The following ARIH1 variants were observed in gnomAD, a reference collection of about 807,000 sequenced individuals.
ARIH1 encodes E3 ubiquitin-protein ligase ARIH1.
Under a neutral mutation model 85.0 loss-of-function variants are expected in ARIH1, and 8 were observed. The observed-to-expected ratio is 0.09, with a 90% CI of 0.06 to 0.17. ARIH1 has a LOEUF of 0.17. ARIH1 is among the 10% of genes least tolerant of loss of function. The probability of loss-of-function intolerance (pLI) is 1.00; values close to 1 mark genes in which losing one functional copy is unlikely to be tolerated. For synonymous variants in ARIH1, 238 were observed against 253.6 expected, an observed-to-expected ratio of 0.94 and a Z score of 0.59; for missense variants, 311 against 718.1, an observed-to-expected ratio of 0.43 and a Z score of 6.48.
chr15:72,496,241 G>T (rs1161536607), intron 1 of ARIH1, among the ~76,000 whole-genome samples: 3 of 152,200 alleles, frequency 2.0e-5, no homozygotes, highest in Admixed American at 2.0e-4. Flanking sequence ...TTATAGTTTG[G>T]TAATCGACCT....
In ARIH1 at chr15:72,586,005, T is replaced by A. The variant is rs983337507; in HGVS notation, c.*2713T>A. On this transcript the variant is annotated 3_prime_UTR_variant, in exon 14 of 14. Transcript: ENST00000379887. ...GTGCATGCTTCATTTGAACAATTCATTCAGCAGCAGATGGACTTTCAGTGA... is the reference window on the plus strand; with the variant it reads ...GTGCATGCTTCATTTGAACAATTCAATCAGCAGCAGATGGACTTTCAGTGA... 1.3e-5 allele frequency: 2 copies of A among 152,212 alleles called. No individual in the cohort carries two copies. Among genetic ancestry groups the A allele is most frequent in the Non-Finnish European group, 2.9e-5 (2 of 68,028 alleles). 9.4% of individuals were successfully genotyped at this position (152,212 alleles called of 1,614,324 possible).
Position 72,590,459 on chromosome 15 carries a change from CACATTTGAGAGTCACTCT to C in ARIH1, c.*7169_*7186del. 6.6e-6 allele frequency: 1 copy of C among 152,266 alleles called. No individual in the cohort carries two copies. Among genetic ancestry groups the C allele is most frequent in the South Asian group, 2.1e-4 (1 of 4,826 alleles). 9.4% of individuals were successfully genotyped at this position (152,266 alleles called of 1,614,324 possible). A position where few individuals can be genotyped will look rare whatever the true frequency, so the allele number is the denominator to read the frequency against. Reference sequence around the variant, plus strand: ...AGTACTCAAAGTATTCCTTTTTTCTCACATTTGAGAGTCACTCTAGCATTTTAATGAGTTAAGCAAGCC... The same window carrying C: ...AGTACTCAAAGTATTCCTTTTTTCTCAGCATTTTAATGAGTTAAGCAAGCC... On this transcript the variant is annotated 3_prime_UTR_variant, in exon 14 of 14. Coordinates refer to ENST00000379887, the MANE Select transcript of ARIH1 (RefSeq NM_005744.5).
At chr15:72,578,374 G>T (rs1054457580) in intron 11 of ARIH1, among the ~76,000 whole-genome samples, 1 of 152,074 alleles carries the variant, frequency 6.6e-6, no homozygotes, top group African/African-American at 2.4e-5. Flanking sequence ...GGTTCTCTTC[G>T]ATAGCATTGA....
chr15:72,505,063 CAA>C (rs2063919020), intron 1 of ARIH1, among the ~76,000 whole-genome samples: 1 of 152,176 alleles, frequency 6.6e-6, no homozygotes, highest in African/African-American at 2.4e-5. Context: ...AACCAGCTCT[CAA>C]GAGCATTACT....
chr15:72,474,588 C>T lies in ARIH1; in HGVS notation c.-52C>T. Reference sequence around the variant, plus strand: ...AGCGAGAGCCGGGGCCTCGGCGTCCCCGCCCTCTCCCCGCCTCGGCCAGCG... The same window carrying T: ...AGCGAGAGCCGGGGCCTCGGCGTCCTCGCCCTCTCCCCGCCTCGGCCAGCG... On this transcript the variant is annotated 5_prime_UTR_variant, in exon 1 of 14. Coordinates refer to ENST00000379887, the MANE Select transcript of ARIH1 (RefSeq NM_005744.5). 8.7e-6 allele frequency: 13 copies of T among 1,487,552 alleles called. No individual in the cohort carries two copies. Among genetic ancestry groups the T allele is most frequent in the Non-Finnish European group, 9.8e-6 (11 of 1,122,252 alleles). The allele number at this position is 1,487,552 out of a possible 1,614,324, so 92.1% of individuals were successfully genotyped here. A position where few individuals can be genotyped will look rare whatever the true frequency, so the allele number is the denominator to read the frequency against.
At position 72,535,687 on chromosome 15, in the gene ARIH1, G is replaced by A. The variant is rs1396324017; in HGVS notation, c.444-9133G>A. Among the ~76,000 whole-genome samples the A allele has an allele frequency of 2.6e-5, 4 of 152,112 alleles. No individual in the cohort carries two copies. In the East Asian group the frequency reaches 7.7e-4, roughly 29 times the overall value. ...CTCTTCAGTTGGAATGAGATCCACT[G>A]TTGCATGAATCACAAGTAGTAGTGT... On this transcript the variant is annotated intron_variant, in intron 2 of 13. Coordinates refer to ENST00000379887, the MANE Select transcript of ARIH1 (RefSeq NM_005744.5).
intron 3 of ARIH1, among the ~76,000 whole-genome samples, chr15:72,548,323 A>G (rs1204465725): frequency 6.6e-6 from 1 of 152,198 alleles, no homozygotes; most frequent in Non-Finnish European, 1.5e-5. Flanking sequence ...ATGTACTTTC[A>G]AGAACTGGGG....
At chr15:72,546,943 G>T (rs1373994306) in intron 3 of ARIH1, among the ~76,000 whole-genome samples, 4 of 145,082 alleles carry the variant, frequency 2.8e-5, no homozygotes, top group East Asian at 2.1e-4. Context: ...GAGGGGGGGG[G>T]GTGGGACGGA....
intron 7 of ARIH1, among the ~76,000 whole-genome samples, chr15:72,565,133 C>T (rs908023166): frequency 2.0e-5 from 3 of 152,160 alleles, no homozygotes; most frequent in Non-Finnish European, 4.4e-5. Context: ...GGCACGATCT[C>T]GCACTGTAAC....
chr15:72,482,970 A>G (rs2063822348), intron 1 of ARIH1, among the ~76,000 whole-genome samples: 1 of 151,516 alleles, frequency 6.6e-6, no homozygotes, highest in African/African-American at 2.4e-5. Context: ...CCTCCTGAGT[A>G]GTTGGGACTA....
rs2064386762 is a variant in ARIH1, at chr15:72,602,853, G to A, written c.*19561G>A. ...TCAAGGAGTTTCTCCAACCCAAAAT[G>A]GCACCCTTCCTGAAAAGATTTCTAG... On this transcript the variant is annotated 3_prime_UTR_variant, in exon 14 of 14. Coordinates refer to ENST00000379887, the MANE Select transcript of ARIH1 (RefSeq NM_005744.5). 6.6e-6 allele frequency: 1 copy of A among 152,072 alleles called. No individual in the cohort carries two copies. The highest frequency in any genetic ancestry group is 1.5e-5 in the Non-Finnish European group (1 of 68,032). 9.4% of individuals were successfully genotyped at this position (152,072 alleles called of 1,614,324 possible). A position where few individuals can be genotyped will look rare whatever the true frequency, so the allele number is the denominator to read the frequency against.
intron 1 of ARIH1, among the ~76,000 whole-genome samples, chr15:72,488,860 C>G (rs2063847673): frequency 6.6e-6 from 1 of 152,092 alleles, no homozygotes; most frequent in Non-Finnish European, 1.5e-5. Context: ...TCTTAAGGTC[C>G]CTGAATATTC....
At chr15:72,557,812 T>C (rs2064181392) in intron 5 of ARIH1, among the ~76,000 whole-genome samples, 1 of 152,196 alleles carries the variant, frequency 6.6e-6, no homozygotes. Flanking sequence ...GTGGCTATTA[T>C]CGATAGGATT....
intron 11 of ARIH1, among the ~76,000 whole-genome samples, chr15:72,580,100 C>G (rs906426303): frequency 4.6e-5 from 7 of 152,132 alleles, no homozygotes; most frequent in Non-Finnish European, 1.0e-4. Context: ...CCCCTCTATC[C>G]CCGCAAGCCT....
intron 1 of ARIH1, among the ~76,000 whole-genome samples, chr15:72,517,461 G>T (rs1003914320): frequency 3.3e-5 from 5 of 151,382 alleles, no homozygotes; most frequent in African/African-American, 1.2e-4. Flanking sequence ...GTCTTGCCCT[G>T]TTGCCCAGGC....
chr15:72,559,032 A>C (rs1040233849), intron 5 of ARIH1, among the ~76,000 whole-genome samples: 2 of 152,192 alleles, frequency 1.3e-5, no homozygotes, highest in African/African-American at 4.8e-5. Flanking sequence ...AGTTATCCTT[A>C]GTATACTGGG....
intron 2 of ARIH1, among the ~76,000 whole-genome samples, chr15:72,542,315 G>T (rs1008662115): frequency 6.6e-6 from 1 of 152,098 alleles, no homozygotes; most frequent in African/African-American, 2.4e-5. Context: ...AAAGAAGGTT[G>T]AAAGACAAGA....
At chr15:72,505,460 G>A (rs1466423612) in intron 1 of ARIH1, among the ~76,000 whole-genome samples, 1 of 151,734 alleles carries the variant, frequency 6.6e-6, no homozygotes, top group African/African-American at 2.4e-5. Flanking sequence ...AATATTTCAA[G>A]TATGAATATA....
chr15:72,560,060 T>C (rs1055756036), intron 5 of ARIH1, among the ~76,000 whole-genome samples: 3 of 152,212 alleles, frequency 2.0e-5, no homozygotes, highest in Non-Finnish European at 4.4e-5. Context: ...TGAGGAACCA[T>C]CAAATACACA....
Sources: gnomAD v4.1 joint callset for allele counts (sites outside exome capture counted in the v4.1 genomes callset) on GRCh38, gnomAD v4.1.1 for gene constraint, MANE v1.5 for transcripts, NCBI Gene and HGNC (gene_info 2026-07-23, HGNC 2026-07-21) for gene names.